GRAMD1B: variants seen among roughly 807,000 people sequenced by gnomAD.
GRAMD1B encodes protein Aster-B.
A neutral mutation model predicts 99.7 loss-of-function variants in GRAMD1B; 37 were observed. The ratio of observed to expected loss-of-function variants is 0.37; its 90% CI spans 0.29 to 0.49. The LOEUF (loss-of-function observed/expected upper bound fraction) is 0.49. GRAMD1B is among the 20% of genes least tolerant of loss of function. The pLI is 0.98. For synonymous variants in GRAMD1B, 427 were observed against 387.6 expected, an observed-to-expected ratio of 1.10 and a Z score of -1.19; for missense variants, 888 against 1,009.2, an observed-to-expected ratio of 0.88 and a Z score of 1.63.
intron 14 of GRAMD1B, among the ~76,000 whole-genome samples, chr11:123,611,088 A>G (rs1592270614): frequency 6.6e-6 from 1 of 152,308 alleles, no homozygotes; most frequent in South Asian, 2.1e-4. Flanking sequence ...TCGCTGATGT[A>G]GTTCAAATGA....
At position 123,610,320 on chromosome 11, in the gene GRAMD1B, G is replaced by A. The variant is rs780877280; in HGVS notation, c.1901G>A (p.Arg634Gln). 9 of 1,613,812 alleles carry A rather than the reference G, an allele frequency of 5.6e-6. No individual in the cohort carries two copies. Among genetic ancestry groups the A allele is most frequent in the Admixed American group, 3.3e-5 (2 of 60,010 alleles). ...CGCTACACGCTCACCCGTGTGGCTC[G>A]GAACAAGAGCCGACTCAGGTGTGGT... Reference protein sequence around the residue: ...INRYTLTRVARNKSRLRVSTE... With the variant: ...INRYTLTRVAQNKSRLRVSTE... The change falls in exon 14 of 20, where the codon CGG (arginine) becomes CAG (glutamine). Residue 634 changes from arginine (R) to glutamine (Q), a missense_variant. This residue lies in a region of GRAMD1B where 92 missense variants were observed against 156.9 expected (regional missense o/e 0.59). Coordinates refer to ENST00000635736, the MANE Select transcript of GRAMD1B (RefSeq NM_001387025.1). This position sits in a 1 kb window ranked among gnomAD's most constrained non-coding sequence, Gnocchi z 4.1.
intron 2 of GRAMD1B, among the ~76,000 whole-genome samples, chr11:123,482,012 T>C (rs565625924): frequency 1.3e-5 from 2 of 152,312 alleles, no homozygotes; most frequent in African/African-American, 4.8e-5. Flanking sequence ...GAATCAAGAC[T>C]TAATATTATT....
chr11:123,431,005 C>T lies in GRAMD1B; in HGVS notation c.213C>T (p.Gly71=). The T allele has an allele frequency of 1.4e-6, 1 of 702,962 alleles. No homozygotes were observed. Among genetic ancestry groups the T allele is most frequent in the Non-Finnish European group, 2.6e-6 (1 of 384,946 alleles). The allele number at this position is 702,962 out of a possible 1,614,324, so 43.5% of individuals were successfully genotyped here. The part of the protein sequence containing the change: ...ARDLPAVLAP[G]KEFLQLPSIE... The stretch of plus-strand genomic sequence containing the variant: ...ACCTGCCCGCCGTCTTGGCCCCCGG[C>T]AAGGAGTTCCTGCAGCTGCCGTCCA... Residue 71 remains glycine (G), a synonymous_variant, in exon 1 of 20, where the codon GGC becomes GGT. Coordinates refer to ENST00000635736, the MANE Select transcript of GRAMD1B (RefSeq NM_001387025.1).
chr11:123,579,347 G>C (rs1949078636), intron 3 of GRAMD1B, among the ~76,000 whole-genome samples: 1 of 152,220 alleles, frequency 6.6e-6, no homozygotes, highest in Non-Finnish European at 1.5e-5. Context: ...GTGAACAGCT[G>C]TTCCCTTTCC....
At chr11:123,603,597 G>A in intron 9 of GRAMD1B, 56 bp downstream of exon 9, 2 of 962,118 alleles carry the variant, frequency 2.1e-6, no homozygotes, top group South Asian at 2.6e-5. Context: ...CCTGCAGGAA[G>A]AACCTGCCAG....
intron 2 of GRAMD1B, among the ~76,000 whole-genome samples, chr11:123,516,026 C>G (rs1941639787): frequency 6.6e-6 from 1 of 152,200 alleles, no homozygotes; most frequent in Non-Finnish European, 1.5e-5. Context: ...ACCTCGGCCT[C>G]CCAAAGTGCC....
intron 1 of GRAMD1B, among the ~76,000 whole-genome samples, chr11:123,401,411 C>T (rs974384757): frequency 6.6e-6 from 1 of 152,244 alleles, no homozygotes; most frequent in Admixed American, 6.5e-5. Flanking sequence ...AGTAGGCAGG[C>T]ATGGGCTGTT....
chr11:123,476,001 G>C (rs1043723996), intron 1 of GRAMD1B, among the ~76,000 whole-genome samples: 1 of 152,164 alleles, frequency 6.6e-6, no homozygotes, highest in Non-Finnish European at 1.5e-5. Context: ...GAAAGGGTGT[G>C]TGTGAGAGGG....
chr11:123,614,166 C>A (rs1229696024), intron 16 of GRAMD1B, among the ~76,000 whole-genome samples: 3 of 152,162 alleles, frequency 2.0e-5, no homozygotes, highest in South Asian at 4.2e-4. Flanking sequence ...ATCCTGGAAA[C>A]CTGGGACTCT....
rs1484239063 is a variant in GRAMD1B at position 123,611,178 on chromosome 11, A to G, written c.1919+840A>G. Among the ~76,000 whole-genome samples, 8 of 149,642 alleles carry G rather than the reference A, an allele frequency of 5.3e-5. No individual in the cohort carries two copies. In the East Asian group the frequency reaches 1.6e-3, roughly 29 times the overall value. On this transcript the variant is annotated intron_variant, in intron 14 of 19. Coordinates refer to ENST00000635736, the MANE Select transcript of GRAMD1B (RefSeq NM_001387025.1). ...AGAGGGACCTTTGTGCTTCGTGCCT[A>G]TATTCACACATTTTGGGAGGCTTAC...
At chr11:123,511,815 T>A (rs1941053185) in intron 2 of GRAMD1B, among the ~76,000 whole-genome samples, 1 of 152,204 alleles carries the variant, frequency 6.6e-6, no homozygotes, top group African/African-American at 2.4e-5. Context: ...TTACAGTGGT[T>A]AGAACATGTC....
At chr11:123,397,132 G>T (rs575970984) in intron 1 of GRAMD1B, among the ~76,000 whole-genome samples, 2 of 152,072 alleles carry the variant, frequency 1.3e-5, no homozygotes, top group Non-Finnish European at 2.9e-5. Context: ...GGCCAGGTGT[G>T]GTGTCCCCCG....
At chr11:123,441,886 G>C (rs1949424479) in intron 1 of GRAMD1B, among the ~76,000 whole-genome samples, 1 of 152,128 alleles carries the variant, frequency 6.6e-6, no homozygotes, top group African/African-American at 2.4e-5. Context: ...ATTATCTCCT[G>C]GTGTTTTTTC....
chr11:123,458,245 A>G (rs1409953631), intron 1 of GRAMD1B: 3 of 152,254 alleles, frequency 2.0e-5, no homozygotes, highest in African/African-American at 7.2e-5. Context: ...TCAGAACCAG[A>G]GAAGCTGATG....
intron 1 of GRAMD1B, among the ~76,000 whole-genome samples, chr11:123,403,227 C>T (rs1322077104): frequency 6.6e-6 from 1 of 151,978 alleles, no homozygotes; most frequent in African/African-American, 2.4e-5. Flanking sequence ...GAGTTTAAGA[C>T]CAGCCTGACC....
At chr11:123,444,760 G>A (rs1340823799) in intron 1 of GRAMD1B, among the ~76,000 whole-genome samples, 4 of 152,110 alleles carry the variant, frequency 2.6e-5, no homozygotes, top group Admixed American at 6.6e-5. Flanking sequence ...GCACCTGCAC[G>A]AGTTCAGCAA....
At chr11:123,598,644 A>G in intron 7 of GRAMD1B, 1 of 1,294,224 alleles carries the variant, frequency 7.7e-7, no homozygotes. Context: ...TTTCAGTCCT[A>G]AAGCTAAGAG....
At chr11:123,598,888 G>T (rs1322424822) in intron 7 of GRAMD1B, 48 of 1,362,204 alleles carry the variant, frequency 3.5e-5, no homozygotes, top group Non-Finnish European at 2.4e-5. Context: ...TACTCAAGCA[G>T]CATCTCTAGG....
rs375428225 is a variant in GRAMD1B, at chr11:123,618,706, G to T, written c.2332G>T (p.Val778Phe). The T allele has an allele frequency of 9.5e-5, 149 of 1,573,994 alleles. No individual in the cohort carries two copies. The highest frequency in any genetic ancestry group is 4.6e-4 in the South Asian group (40 of 86,700). The change falls in exon 18 of 20, where the codon GTC (valine) becomes TTC (phenylalanine). Residue 778 changes from valine to phenylalanine, a missense_variant. By Grantham distance (50) the Val-to-Phe change is conservative. Transcript: ENST00000635736. The part of the protein sequence containing the change: ...LVISCVLVLL[V>F]ILNMMLFYKL... ...TCTCCTTCCTAGTCTGGTGCTGCTGGTCATCCTTAACATGATGCTCTTCTA... is the reference window on the plus strand; with the variant it reads ...TCTCCTTCCTAGTCTGGTGCTGCTGTTCATCCTTAACATGATGCTCTTCTA...
Sources: allele counts gnomAD v4.1 joint callset (sites outside exome capture counted in the v4.1 genomes callset), GRCh38; gene constraint gnomAD v4.1.1; regional missense constraint gnomAD v4.1.1; non-coding constraint Gnocchi (gnomAD v3.1); transcripts MANE v1.5; gene names NCBI Gene and HGNC (gene_info 2026-07-23, HGNC 2026-07-21).